HCRTR2: variants seen among roughly 807,000 people sequenced by gnomAD.
The protein encoded by HCRTR2 is hypocretin receptor 2, also known as orexin receptor type 2.
Under a neutral mutation model 49.0 loss-of-function variants are expected in HCRTR2, and 22 were observed. That is an observed-to-expected ratio of 0.45 (90% confidence interval 0.32 to 0.64). The LOEUF (loss-of-function observed/expected upper bound fraction) is 0.64. HCRTR2 is among the 30% of genes least tolerant of loss of function. HCRTR2 has a pLI of 0.04. For missense variants in HCRTR2, 491 were observed against 559.4 expected (o/e 0.88, Z 1.23); for synonymous variants, 236 against 205.3 (o/e 1.15, Z -1.28).
At chr6:55,139,961 A>T (rs913759679) in intron 1 of HCRTR2, among the ~76,000 whole-genome samples, 14 of 152,192 alleles carry the variant, frequency 9.2e-5, no homozygotes, top group African/African-American at 3.1e-4. Flanking sequence ...TAGCTTTTAA[A>T]AATGTCTCTG....
Position 55,202,997 on chromosome 6 carries a change from T to TA in HCRTR2, c.223+28193dup, listed in dbSNP as rs547953644. Among the ~76,000 whole-genome samples, 5 of 152,276 alleles carry TA rather than the reference T, an allele frequency of 3.3e-5. No homozygotes were observed. The East Asian group carries it at 9.7e-4, about 29-fold the overall frequency. On this transcript the variant is annotated intron_variant, in intron 1 of 6. Coordinates refer to ENST00000370862, the MANE Select transcript of HCRTR2 (RefSeq NM_001384272.1). ...TGTTTTGAATATACTTCCATTACCT[T>TA]AAAAAATGTAAAAACACTGCTTTAA...
chr6:55,116,215 A>C (rs1232694106), intron 1 of HCRTR2, among the ~76,000 whole-genome samples: 1 of 151,734 alleles, frequency 6.6e-6, no homozygotes, highest in Non-Finnish European at 1.5e-5. Flanking sequence ...TATTTATAAG[A>C]AATGGCCAGT....
At chr6:55,266,585 C>T (rs537112623) in intron 4 of HCRTR2, among the ~76,000 whole-genome samples, 1 of 152,162 alleles carries the variant, frequency 6.6e-6, no homozygotes, top group East Asian at 1.9e-4. Context: ...TTAAGATTAT[C>T]CCCTATTTCC....
chr6:55,147,605 T>C (rs547071962), intron 1 of HCRTR2, among the ~76,000 whole-genome samples: 8 of 152,306 alleles, frequency 5.3e-5, no homozygotes, highest in Admixed American at 4.6e-4. Context: ...CAAGGGTCTC[T>C]CAGGTTCAGT....
chr6:55,119,095 TG>T lies in HCRTR2; in HGVS notation c.-378+12551del, dbSNP rs569688845. Among the ~76,000 whole-genome samples the T allele has an allele frequency of 1.2e-4, 18 of 152,226 alleles. No individual in the cohort carries two copies. In the East Asian group the frequency reaches 3.5e-3, roughly 29 times the overall value. ...GAATGATGGTTTCCAGCTTCATCCA[TG>T]TCCCTGTAAAGGACATGAACTCATT... On this transcript the variant is annotated intron_variant, in intron 1 of 7. Transcript: ENST00000615358.
chr6:55,153,111 G>A (rs745524868), intron 1 of HCRTR2, among the ~76,000 whole-genome samples: 6 of 151,948 alleles, frequency 3.9e-5, no homozygotes, highest in Non-Finnish European at 7.4e-5. Context: ...TTTTGCATAT[G>A]GATATCCAGT....
intron 1 of HCRTR2, among the ~76,000 whole-genome samples, chr6:55,230,190 T>C (rs1766087602): frequency 6.6e-6 from 1 of 152,338 alleles, no homozygotes; most frequent in Non-Finnish European, 1.5e-5. Flanking sequence ...AACTTTCCTT[T>C]AATTCCATAA....
chr6:55,212,589 G>A (rs1195248443), intron 1 of HCRTR2, among the ~76,000 whole-genome samples: 2 of 152,168 alleles, frequency 1.3e-5, no homozygotes, highest in East Asian at 1.9e-4. Context: ...CGTGGAAGTA[G>A]TTGTGAGAGC....
intron 1 of HCRTR2, among the ~76,000 whole-genome samples, chr6:55,199,266 G>GC: frequency 7.1e-6 from 1 of 140,876 alleles, no homozygotes; most frequent in Non-Finnish European, 1.6e-5. Context: ...CCAGTTTTTT[G>GC]TTTTTTTTTT....
At chr6:55,245,373 A>G (rs28618091) in intron 1 of HCRTR2, among the ~76,000 whole-genome samples, 24 of 96,318 alleles carry the variant, frequency 2.5e-4, no homozygotes, top group East Asian at 6.1e-4. Context: ...GTGTGTGTGT[A>G]TATATATATA....
At chr6:55,275,680 GGCTCATT>G (rs1164506561) in intron 4 of HCRTR2, among the ~76,000 whole-genome samples, 1 of 146,500 alleles carries the variant, frequency 6.8e-6, no homozygotes, top group Non-Finnish European at 1.5e-5. Context: ...TGATCTCATC[GGCTCATT>G]GCAACATCCA....
intron 1 of HCRTR2, among the ~76,000 whole-genome samples, chr6:55,213,572 C>T (rs184711049): frequency 6.6e-6 from 1 of 152,234 alleles, no homozygotes; most frequent in African/African-American, 2.4e-5. Context: ...AGTGCAAAGC[C>T]AGCTGCAACA....
At chr6:55,255,086 T>C in intron 2 of HCRTR2, 50 bp from the exon 3 acceptor site, 1 of 1,602,720 alleles carries the variant, frequency 6.2e-7, no homozygotes, top group Middle Eastern at 1.8e-4. Flanking sequence ...TAAGAGTAAT[T>C]CTTTTAACAG....
intron 1 of HCRTR2, among the ~76,000 whole-genome samples, chr6:55,214,443 C>T (rs1017013489): frequency 6.6e-6 from 1 of 152,102 alleles, no homozygotes; most frequent in Non-Finnish European, 1.5e-5. Flanking sequence ...GTGATCTTTC[C>T]ACCTCAGCCT....
At chr6:55,186,754 A>T (rs1023559724) in intron 1 of HCRTR2, among the ~76,000 whole-genome samples, 1 of 152,216 alleles carries the variant, frequency 6.6e-6, no homozygotes, top group African/African-American at 2.4e-5. Context: ...CTGTGACAGA[A>T]TGTTACTATG....
intron 1 of HCRTR2, among the ~76,000 whole-genome samples, chr6:55,209,698 T>C (rs1219099462): frequency 6.6e-6 from 1 of 152,214 alleles, no homozygotes; most frequent in Non-Finnish European, 1.5e-5. Flanking sequence ...CTCTTCTCTT[T>C]GTTTTTGTAA....
At chr6:55,133,134 A>T (rs1318155792) in intron 1 of HCRTR2, among the ~76,000 whole-genome samples, 2 of 151,906 alleles carry the variant, frequency 1.3e-5, no homozygotes, top group African/African-American at 4.8e-5. Flanking sequence ...TGTGTTGAAT[A>T]CAAAATCAAA....
At chr6:55,244,339 A>C (rs1316578783) in intron 1 of HCRTR2, among the ~76,000 whole-genome samples, 1 of 104,924 alleles carries the variant, frequency 9.5e-6, no homozygotes, top group Non-Finnish European at 2.5e-5. Flanking sequence ...TATGACACTT[A>C]TCCATTAATG....
intron 1 of HCRTR2, among the ~76,000 whole-genome samples, chr6:55,158,140 G>A (rs1267161199): frequency 6.6e-6 from 1 of 152,196 alleles, no homozygotes; most frequent in Non-Finnish European, 1.5e-5. Context: ...TAGATAGTGA[G>A]TGCAGCCCAC....
Sources: gnomAD v4.1 joint callset for allele counts (sites outside exome capture counted in the v4.1 genomes callset) on GRCh38, gnomAD v4.1.1 for gene constraint, MANE v1.5 for transcripts, NCBI Gene and HGNC (gene_info 2026-07-23, HGNC 2026-07-21) for gene names.